Variants in BCORL1 observed in about 807,000 individuals in gnomAD.
BCORL1 encodes BCL-6 corepressor-like protein 1.
Under a neutral mutation model 87.6 loss-of-function variants are expected in BCORL1, and 7 were observed. The observed-to-expected ratio is 0.08, with a 90% CI of 0.05 to 0.15. The LOEUF (loss-of-function observed/expected upper bound fraction) is 0.15, where lower values mean the gene tolerates loss of function less well. Among genes scored for constraint, BCORL1 ranks in the 10% least tolerant of loss-of-function variants. The probability of loss-of-function intolerance (pLI) is 1.00; values close to 1 mark genes in which losing one functional copy is unlikely to be tolerated. For missense variants in BCORL1, 1,215 were observed against 1,499.7 expected, an observed-to-expected ratio of 0.81 and a Z score of 3.13; for synonymous variants, 591 against 634.4, an observed-to-expected ratio of 0.93 and a Z score of 1.03.
Position 130,056,281 on chromosome X carries a change from C to A in BCORL1, c.*145C>A. 3.3e-6 allele frequency: 2 copies of A among 609,489 alleles called. No individual in the cohort carries two copies. Among genetic ancestry groups the A allele is most frequent in the East Asian group, 3.9e-5 (1 of 25,788 alleles). 50.2% of individuals were successfully genotyped at this position (609,489 alleles called of 1,213,427 possible). ...GCCGCCTTATCAATGCCAGCATTAG[C>A]GACTGGACTGTTTTTGTTTTTTTGG... On this transcript the variant is annotated 3_prime_UTR_variant, in exon 14 of 14. Coordinates refer to ENST00000540052, the MANE Select transcript of BCORL1 (RefSeq NM_001379451.1).
chrX:129,990,362 G>C (rs1927020561), intron 1 of BCORL1, among the ~76,000 whole-genome samples: 1 of 110,456 alleles, frequency 9.1e-6, no homozygotes, highest in Non-Finnish European at 1.9e-5. Context: ...CTCCTGAGTA[G>C]CTGGGACTAC....
chrX:130,051,926 A>G lies in BCORL1; in HGVS notation c.4985A>G (p.Asp1662Gly). The G allele has an allele frequency of 8.3e-7, 1 of 1,208,819 alleles. No individual in the cohort carries two copies. The highest frequency in any genetic ancestry group is 3.0e-5 in the East Asian group (1 of 33,790). ...CCTGGGAGCTCAGATCAAGAAGGAG[A>G]CGATCCGATGGAGGAGGATGATTTC... ...NPPGSSDQEGDDPMEEDDFMF... is the reference protein window; with the variant it reads ...NPPGSSDQEGGDPMEEDDFMF... The change falls in exon 13 of 14, where the codon GAC becomes GGC. Residue 1662 changes from aspartate to glycine, a missense_variant. Asp to Gly is a moderately conservative substitution (Grantham distance 94). Around this residue, in one of 5 missense-constraint regions of BCORL1, gnomAD observed 129 missense variants for 157.5 expected, o/e 0.82. Coordinates refer to ENST00000540052, the MANE Select transcript of BCORL1 (RefSeq NM_001379451.1).
intron 10 of BCORL1, 60 bp from the exon 11 acceptor site, chrX:130,039,077 G>A: frequency 4.3e-6 from 5 of 1,173,136 alleles, no homozygotes; most frequent in Non-Finnish European, 5.8e-6. Flanking sequence ...GTAGCCTTAA[G>A]TGTAGACACC....
chrX:130,018,702 C>G (rs1929608121), intron 4 of BCORL1, among the ~76,000 whole-genome samples: 2 of 112,052 alleles, frequency 1.8e-5, no homozygotes, highest in Admixed American at 9.5e-5. Context: ...ATTAGATGAA[C>G]AGTTCAGTGG....
chrX:130,016,512 G>A (rs1929458347), intron 4 of BCORL1, among the ~76,000 whole-genome samples: 1 of 111,831 alleles, frequency 8.9e-6, no homozygotes, highest in Non-Finnish European at 1.9e-5. Context: ...ATCGGAAAGC[G>A]GAAGAAGGTA....
At chrX:129,980,976 G>T (rs1250077415), upstream of BCORL1, 1 of 110,140 alleles carries the variant, frequency 9.1e-6, no homozygotes, top group Non-Finnish European at 1.9e-5. Flanking sequence ...CGGGGGCGAA[G>T]GTAGATCGGC....
At chrX:129,991,144 T>A (rs1286487618) in intron 1 of BCORL1, among the ~76,000 whole-genome samples, 2 of 110,053 alleles carry the variant, frequency 1.8e-5, no homozygotes, top group Non-Finnish European at 1.9e-5. Flanking sequence ...GAGATAGAGT[T>A]TCGTTCTTGT....
chrX:130,008,259 A>G (rs1928654797), intron 2 of BCORL1, among the ~76,000 whole-genome samples: 1 of 104,608 alleles, frequency 9.6e-6, no homozygotes, highest in Admixed American at 1.0e-4. Context: ...AGTGCTTAAG[A>G]GGACATTTTT....
intron 4 of BCORL1, among the ~76,000 whole-genome samples, chrX:130,016,592 G>C (rs1603118511): frequency 8.9e-6 from 1 of 111,931 alleles, no homozygotes; most frequent in Non-Finnish European, 1.9e-5. Flanking sequence ...TTTACTGAGA[G>C]AACACTGGCC....
intron 9 of BCORL1, among the ~76,000 whole-genome samples, chrX:130,035,838 C>G (rs972383122): frequency 4.4e-5 from 5 of 112,743 alleles, no homozygotes; most frequent in African/African-American, 1.6e-4. Context: ...GGAAGGAGCC[C>G]TTTTGGGCCT....
At chrX:130,005,815 G>C (rs1269661225) in intron 2 of BCORL1, among the ~76,000 whole-genome samples, 1 of 108,114 alleles carries the variant, frequency 9.2e-6, no homozygotes, top group Non-Finnish European at 1.9e-5. Flanking sequence ...TTTAGAGACG[G>C]GGGTTTCGCC....
At position 130,021,068 on chromosome X, in the gene BCORL1, A is replaced by G; in HGVS notation, c.3525A>G (p.Gly1175=). The part of the protein sequence containing the change: ...GASDSGKEHN[G]VRGKHKHRKP... ...CAGATTCAGGAAAAGAGCACAATGG[A>G]GTCAGGGGAAAGCACAAGCACCGGA... Residue 1175 remains glycine (G), a synonymous_variant, in exon 5 of 14, where the codon GGA becomes GGG. Transcript: ENST00000540052. 8.3e-7 allele frequency: 1 copy of G among 1,197,739 alleles called. No homozygotes were observed. Among genetic ancestry groups the G allele is most frequent in the Non-Finnish European group, 1.1e-6 (1 of 890,264 alleles).
rs774393845 is a variant in BCORL1, at chrX:130,014,544, C to G, written c.1772C>G (p.Thr591Arg). 1.2e-5 allele frequency: 14 copies of G among 1,209,835 alleles called. No homozygotes were observed. The African/African-American group carries it at 2.3e-4, about 20-fold the overall frequency. ...AKMPSGTEQQ[T>R]EGTSVTFSPL... ...ATGCCCAGTGGCACCGAGCAGCAAA[C>G]AGAAGGGACTTCCGTTACCTTCTCT... is the stretch of plus-strand genomic sequence containing the variant. Residue 591 changes from threonine (T) to arginine (R), a missense_variant, in exon 4 of 14, where the codon ACA (threonine) becomes AGA (arginine). This residue lies in a region of BCORL1 where 861 missense variants were observed against 1,010.0 expected (regional missense o/e 0.85). Transcript: ENST00000540052.
rs749026328 is a variant in BCORL1 at position 130,013,606 on chromosome X, G to T, written c.834G>T (p.Ser278=). Residue 278 remains serine, a synonymous_variant, in exon 4 of 14, where the codon TCG becomes TCT. Transcript: ENST00000540052. ...LISDSNPLSV[S]ASVLVPVPAS... is the part of the protein sequence containing the mutation. ...CTGACTCGAACCCCCTTTCTGTTTC[G>T]GCCTCAGTCTTGGTGCCTGTGCCAG... is the stretch of plus-strand genomic sequence containing the variant. The T allele has an allele frequency of 1.7e-5, 20 of 1,210,393 alleles. No homozygotes were observed. The South Asian group carries it at 3.3e-4, about 20-fold the overall frequency.
At chrX:130,022,236 C>CTTTTTTTTTTTTTTTTTTTTTTTTTT (rs34598574) in intron 5 of BCORL1, among the ~76,000 whole-genome samples, 1 of 56,311 alleles carries the variant, frequency 1.8e-5, no homozygotes, top group African/African-American at 7.5e-5. Context: ...TTCTTTCTTT[C>CTTTTTTTTTTTTTTTTTTTTTTTTTT]TTTTTTTTTT....
chrX:129,991,268 C>T (rs1037032239), intron 1 of BCORL1, among the ~76,000 whole-genome samples: 1 of 111,271 alleles, frequency 9.0e-6, no homozygotes, highest in Non-Finnish European at 1.9e-5. Flanking sequence ...AGGCACCCAC[C>T]ACCACGCCTG....
At chrX:129,981,124 C>G (rs1399070718), upstream of BCORL1, 1 of 111,774 alleles carries the variant, frequency 8.9e-6, no homozygotes, top group East Asian at 2.8e-4. Context: ...GAGTGGTAAG[C>G]AACTCCGAGT....
chrX:130,034,776 C>A, intron 9 of BCORL1, 100 bp downstream of exon 9: 1 of 596,244 alleles, frequency 1.7e-6, no homozygotes, highest in Non-Finnish European at 2.4e-6. Flanking sequence ...CCAGGCTGGC[C>A]TCCCTCTACA....
chrX:130,014,236 G>A lies in BCORL1; in HGVS notation c.1464G>A (p.Arg488=). The change falls in exon 4 of 14, where the codon AGG becomes AGA. Residue 488 remains arginine, a synonymous_variant. Coordinates refer to ENST00000540052, the MANE Select transcript of BCORL1 (RefSeq NM_001379451.1). Reference sequence around the variant, plus strand: ...TCCTGCCGTCCTACCTGCAGGACAGGTGTCTCCCAGGCGTGCTAGCCTCCC... The same window carrying A: ...TCCTGCCGTCCTACCTGCAGGACAGATGTCTCCCAGGCGTGCTAGCCTCCC... The part of the protein sequence containing the change: ...LPVLPSYLQD[R]CLPGVLASPE... 8.3e-7 allele frequency: 1 copy of A among 1,210,962 alleles called. No individual in the cohort carries two copies. Among genetic ancestry groups the A allele is most frequent in the South Asian group, 1.8e-5 (1 of 56,940 alleles).
Sources: gnomAD v4.1 joint callset for allele counts (sites outside exome capture counted in the v4.1 genomes callset) on GRCh38, gnomAD v4.1.1 for gene constraint, gnomAD v4.1.1 regional missense constraint, MANE v1.5 for transcripts, NCBI Gene and HGNC (gene_info 2026-07-23, HGNC 2026-07-21) for gene names.